Variants in KCND2 observed in about 807,000 individuals in gnomAD.
KCND2 encodes the protein potassium voltage-gated channel subfamily D member 2, also known as A-type voltage-gated potassium channel KCND2.
Under a neutral mutation model 54.4 loss-of-function variants are expected in KCND2, and 16 were observed. The observed-to-expected ratio is 0.29, with a 90% CI of 0.20 to 0.45. The LOEUF is 0.45. Ranked by LOEUF, KCND2 falls within the 20% of genes least tolerant of loss-of-function variation. The probability of loss-of-function intolerance (pLI) is 1.00; values close to 1 mark genes in which losing one functional copy is unlikely to be tolerated. For synonymous variants in KCND2, 317 were observed against 310.7 expected (o/e 1.02, Z -0.21); for missense variants, 486 against 824.2 (o/e 0.59, Z 5.02).
chr7:120,350,207 T>C lies in KCND2; in HGVS notation c.1115+74460T>C, dbSNP rs534457317. On this transcript the variant is annotated intron_variant, in intron 1 of 5. Transcript: ENST00000331113. ...CATTCAGGAAAGCAGACATCATTTT[T>C]ATTGAGTGAATATAGTTCATTTTCT... 1.2e-4 allele frequency among the ~76,000 whole-genome samples: 18 copies of C among 152,250 alleles called. 1 individual carries two copies. The highest frequency in any genetic ancestry group is 6.2e-4 in the South Asian group (3 of 4,826).
intron 1 of KCND2, among the ~76,000 whole-genome samples, chr7:120,539,012 A>G (rs1404831476): frequency 6.6e-6 from 1 of 152,204 alleles, no homozygotes; most frequent in African/African-American, 2.4e-5. Flanking sequence ...GTAATTTGTA[A>G]AGTAAATCAC....
At chr7:120,458,146 C>T (rs1408130631) in intron 1 of KCND2, among the ~76,000 whole-genome samples, 1 of 152,058 alleles carries the variant, frequency 6.6e-6, no homozygotes, top group African/African-American at 2.4e-5. Flanking sequence ...AAGAAATGTA[C>T]CCCCAAATAT....
chr7:120,389,756 G>T (rs1391986789), intron 1 of KCND2, among the ~76,000 whole-genome samples: 1 of 151,858 alleles, frequency 6.6e-6, no homozygotes, highest in Non-Finnish European at 1.5e-5. Context: ...TTCAGCAAAA[G>T]AAGTTTTTAA....
chr7:120,303,323 A>G (rs1281914239), intron 1 of KCND2, among the ~76,000 whole-genome samples: 5 of 152,228 alleles, frequency 3.3e-5, no homozygotes, highest in Non-Finnish European at 5.9e-5. Flanking sequence ...TCTACATATT[A>G]TGAAACAACA....
At chr7:120,335,312 T>C (rs2109721) in intron 1 of KCND2, among the ~76,000 whole-genome samples, 3,061 of 124,658 alleles carry the variant, frequency 0.025, 120 homozygotes, top group African/African-American at 0.088. Flanking sequence ...GCAGTGAGAA[T>C]ATGCCACTGC....
intron 1 of KCND2, among the ~76,000 whole-genome samples, chr7:120,360,225 A>G (rs1387256761): frequency 6.6e-6 from 1 of 152,138 alleles, no homozygotes; most frequent in Non-Finnish European, 1.5e-5. Context: ...GAACTTTATT[A>G]TCACCGAGTG....
At chr7:120,625,037 T>C (rs2116506541) in intron 1 of KCND2, among the ~76,000 whole-genome samples, 1 of 152,318 alleles carries the variant, frequency 6.6e-6, no homozygotes, top group East Asian at 1.9e-4. Context: ...ATTGCAATTT[T>C]GCCTATTATG....
At chr7:120,506,120 T>C (rs1457857478) in intron 1 of KCND2, among the ~76,000 whole-genome samples, 1 of 151,686 alleles carries the variant, frequency 6.6e-6, no homozygotes, top group African/African-American at 2.4e-5. Flanking sequence ...AAGCTGTGAT[T>C]TTTGAAATTT....
chr7:120,744,335 C>CT (rs1377566066), intron 4 of KCND2, among the ~76,000 whole-genome samples: 3 of 151,858 alleles, frequency 2.0e-5, no homozygotes, highest in Non-Finnish European at 4.4e-5. Context: ...TTTTTGAGGG[C>CT]TTTTTTTAAA....
chr7:120,426,358 T>TC (rs1801705769), intron 1 of KCND2, among the ~76,000 whole-genome samples: 2 of 152,152 alleles, frequency 1.3e-5, no homozygotes, highest in Admixed American at 6.5e-5. Flanking sequence ...AAATAGGATT[T>TC]CTTCATGTTC....
In KCND2 at chr7:120,741,559, C is replaced by T. The variant is rs1484410590; in HGVS notation, c.1304C>T (p.Ala435Val). The T allele has an allele frequency of 1.2e-6, 2 of 1,612,910 alleles. No homozygotes were observed. Among genetic ancestry groups the T allele is most frequent in the African/African-American group, 1.3e-5 (1 of 74,864 alleles). ...QKKARLARIR[A>V]AKSGSANAYM... ...AAAGCTAGACTGGCCAGGATCCGGG[C>T]AGCCAAAAGCGGAAGCGCAAATGCT... The change falls in exon 3 of 6, where the codon GCA becomes GTA. Residue 435 changes from alanine to valine, a missense_variant. By Grantham distance (64) the Ala-to-Val change is moderately conservative. Transcript: ENST00000331113.
At chr7:120,579,179 G>A (rs1584837468) in intron 1 of KCND2, among the ~76,000 whole-genome samples, 1 of 151,500 alleles carries the variant, frequency 6.6e-6, no homozygotes, top group African/African-American at 2.4e-5. Flanking sequence ...ATAAAATTGG[G>A]CAATTTTCCT....
chr7:120,443,367 T>A (rs983094882), intron 1 of KCND2, among the ~76,000 whole-genome samples: 1 of 149,118 alleles, frequency 6.7e-6, no homozygotes, highest in Non-Finnish European at 1.5e-5. Flanking sequence ...ATAATAATAA[T>A]AATAATAATA....
At chr7:120,624,574 G>A (rs1347953858) in intron 1 of KCND2, among the ~76,000 whole-genome samples, 1 of 152,068 alleles carries the variant, frequency 6.6e-6, no homozygotes, top group East Asian at 1.9e-4. Flanking sequence ...GAGCCCAGGA[G>A]TTCAAGACCA....
At chr7:120,639,934 A>C (rs1171892274) in intron 1 of KCND2, among the ~76,000 whole-genome samples, 2 of 152,114 alleles carry the variant, frequency 1.3e-5, no homozygotes, top group African/African-American at 4.8e-5. Context: ...CTTAATACTG[A>C]AAAATAGGAG....
rs867153312 is a variant in KCND2, at chr7:120,595,595, A to G, written c.1116-137308A>G. 2.9e-3 allele frequency among the ~76,000 whole-genome samples: 378 copies of G among 128,364 alleles called. 2 individuals carry two copies. Among genetic ancestry groups the G allele is most frequent in the African/African-American group, 0.013 (345 of 25,884 alleles). The allele number at this position is 128,364 out of a possible 152,430, so 84.2% of individuals were successfully genotyped here. A position where few individuals can be genotyped will look rare whatever the true frequency, so the allele number is the denominator to read the frequency against. On this transcript the variant is annotated intron_variant, in intron 1 of 5. Transcript: ENST00000331113. ...TGTATATATATGTGTGTGTGTGTAT[A>G]TATATATATATATATATACACCAGA...
intron 1 of KCND2, among the ~76,000 whole-genome samples, chr7:120,686,636 T>G (rs556525989): frequency 1.3e-5 from 2 of 152,130 alleles, no homozygotes; most frequent in African/African-American, 4.8e-5. Flanking sequence ...GAGTGCATGG[T>G]TTGACCTTTG....
At chr7:120,640,178 T>C (rs1420202368) in intron 1 of KCND2, among the ~76,000 whole-genome samples, 1 of 152,194 alleles carries the variant, frequency 6.6e-6, no homozygotes, top group Non-Finnish European at 1.5e-5. Flanking sequence ...CTGAAATTTA[T>C]TGTCCTTTTT....
chr7:120,522,974 A>AT (rs1791718293), intron 1 of KCND2, among the ~76,000 whole-genome samples: 1 of 152,104 alleles, frequency 6.6e-6, no homozygotes, highest in African/African-American at 2.4e-5. Flanking sequence ...AATTTGTAGT[A>AT]TTTTTTACTA....
Sources: allele counts gnomAD v4.1 joint callset (sites outside exome capture counted in the v4.1 genomes callset), GRCh38; gene constraint gnomAD v4.1.1; transcripts MANE v1.5; gene names NCBI Gene and HGNC (gene_info 2026-07-23, HGNC 2026-07-21).